The following CHST11 variants were observed in gnomAD, a reference collection of about 807,000 sequenced individuals.
CHST11 encodes the protein C4S-1.
In CHST11, 9 loss-of-function variants were observed where a neutral mutation model predicts 30.4. The observed-to-expected ratio is 0.30, with a 90% CI of 0.18 to 0.52. The LOEUF (loss-of-function observed/expected upper bound fraction) is 0.52. Among genes scored for constraint, CHST11 ranks in the 20% least tolerant of loss-of-function variants. The pLI is 0.97. For synonymous variants in CHST11, 152 were observed against 187.8 expected, an observed-to-expected ratio of 0.81 and a Z score of 1.56; for missense variants, 348 against 460.6, an observed-to-expected ratio of 0.76 and a Z score of 2.24.
intron 1 of CHST11, among the ~76,000 whole-genome samples, chr12:104,480,405 G>A (rs932751832): frequency 7.2e-5 from 11 of 152,000 alleles, no homozygotes; most frequent in African/African-American, 2.2e-4. Context: ...GTGAAACCCC[G>A]TCTCTACTAA....
At chr12:104,544,325 A>G (rs1565981374) in intron 1 of CHST11, among the ~76,000 whole-genome samples, 1 of 152,186 alleles carries the variant, frequency 6.6e-6, no homozygotes, top group Non-Finnish European at 1.5e-5. Context: ...GAGAAAATGT[A>G]AACTATGGAG....
At position 104,729,282 on chromosome 12, in the gene CHST11, C is replaced by T. The variant is rs1358984750; in HGVS notation, c.205-27667C>T. Reference sequence around the variant, plus strand: ...CAAGCCTCTCTGTGACCTACAGCTTCCTCCCCTGTGAAATCGTGCTTCCTG... The same window carrying T: ...CAAGCCTCTCTGTGACCTACAGCTTTCTCCCCTGTGAAATCGTGCTTCCTG... On this transcript the variant is annotated intron_variant, in intron 2 of 2. Transcript: ENST00000303694. The surrounding 1 kb of genome is among the most constrained non-coding windows in gnomAD (Gnocchi z 4.0). Among the ~76,000 whole-genome samples the T allele has an allele frequency of 6.6e-6, 1 of 152,174 alleles. No individual in the cohort carries two copies. Among genetic ancestry groups the T allele is most frequent in the Non-Finnish European group, 1.5e-5 (1 of 68,040 alleles).
intron 1 of CHST11, among the ~76,000 whole-genome samples, chr12:104,586,261 G>A (rs183351597): frequency 1.3e-5 from 2 of 152,324 alleles, no homozygotes; most frequent in East Asian, 1.9e-4. Context: ...AGAAGCCTGG[G>A]TAGGCTCAGG....
At chr12:104,479,040 C>T (rs1038759047) in intron 1 of CHST11, among the ~76,000 whole-genome samples, 1 of 152,096 alleles carries the variant, frequency 6.6e-6, no homozygotes, top group African/African-American at 2.4e-5. Context: ...AAAAGAGTCA[C>T]CTGTCTTTAC....
At chr12:104,727,704 C>T (rs567460092) in intron 2 of CHST11, among the ~76,000 whole-genome samples, 1 of 152,324 alleles carries the variant, frequency 6.6e-6, no homozygotes, top group African/African-American at 2.4e-5. Context: ...GCTTCATTCT[C>T]CAATCCCTTT....
intron 2 of CHST11, among the ~76,000 whole-genome samples, chr12:104,681,536 G>A (rs61703146): frequency 3.9e-5 from 6 of 152,086 alleles, no homozygotes; most frequent in African/African-American, 1.2e-4. Flanking sequence ...CCACTAAATC[G>A]TGCATTTTAA....
Position 104,757,715 on chromosome 12 carries a change from C to T in CHST11, c.971C>T (p.Ser324Leu). The T allele has an allele frequency of 6.2e-7, 1 of 1,614,184 alleles. No individual in the cohort carries two copies. The highest frequency in any genetic ancestry group is 8.5e-7 in the Non-Finnish European group (1 of 1,180,042). ...MTTEFFQNIS[S>L]EHQTQLYEVY... ...ACAGAATTCTTCCAGAACATCAGCTCAGAGCACCAAACGCAGCTGTACGAA... is the reference window on the plus strand; with the variant it reads ...ACAGAATTCTTCCAGAACATCAGCTTAGAGCACCAAACGCAGCTGTACGAA... The change falls in exon 3 of 3, where the codon TCA becomes TTA. Residue 324 changes from serine (S) to leucine (L), a missense_variant. Physicochemically the swap from Ser to Leu is moderately radical, Grantham distance 145. Around this residue, in one of 3 missense-constraint regions of CHST11, gnomAD observed 210 missense variants for 287.2 expected, o/e 0.73. Coordinates refer to ENST00000303694, the MANE Select transcript of CHST11 (RefSeq NM_018413.6). This position sits in a 1 kb window ranked among gnomAD's most constrained non-coding sequence, Gnocchi z 6.5.
At chr12:104,575,715 G>C (rs181068485) in intron 1 of CHST11, among the ~76,000 whole-genome samples, 2 of 152,118 alleles carry the variant, frequency 1.3e-5, no homozygotes, top group Non-Finnish European at 2.9e-5. Flanking sequence ...AAAGGATGCC[G>C]AGCCACAGAG....
chr12:104,717,823 G>A (rs1350218138), intron 2 of CHST11, among the ~76,000 whole-genome samples: 2 of 151,850 alleles, frequency 1.3e-5, no homozygotes, highest in Middle Eastern at 3.2e-3. Flanking sequence ...GGTGGTGGGC[G>A]CCTGTAATCC....
intron 1 of CHST11, among the ~76,000 whole-genome samples, chr12:104,541,931 A>C (rs1354482420): frequency 6.6e-6 from 1 of 152,244 alleles, no homozygotes; most frequent in Non-Finnish European, 1.5e-5. Context: ...TCCGTCTCAG[A>C]AAGACTGTCA....
chr12:104,662,526 A>G (rs1264630256), intron 2 of CHST11, among the ~76,000 whole-genome samples: 2 of 152,322 alleles, frequency 1.3e-5, no homozygotes, highest in African/African-American at 2.4e-5. Context: ...TTCAAATGAT[A>G]ACGATTTTTA....
intron 1 of CHST11, among the ~76,000 whole-genome samples, chr12:104,577,300 AT>A (rs1179960490): frequency 2.8e-5 from 4 of 141,588 alleles, no homozygotes; most frequent in African/African-American, 7.9e-5. Context: ...ATAACATAAA[AT>A]TTACCATTTT....
At chr12:104,589,004 A>G (rs1026426987) in intron 1 of CHST11, 2 of 152,218 alleles carry the variant, frequency 1.3e-5, no homozygotes, top group Non-Finnish European at 2.9e-5. Context: ...ATTCTCATAC[A>G]TCCTACAGCA....
intron 2 of CHST11, among the ~76,000 whole-genome samples, chr12:104,754,543 G>C (rs2040459448): frequency 6.6e-6 from 1 of 152,188 alleles, no homozygotes; most frequent in Non-Finnish European, 1.5e-5. Context: ...AGGAACTGCA[G>C]GGCTTCCTAA....
intron 1 of CHST11, among the ~76,000 whole-genome samples, chr12:104,556,105 G>A (rs919936284): frequency 4.6e-5 from 7 of 152,216 alleles, no homozygotes; most frequent in Admixed American, 2.0e-4. Flanking sequence ...ACCCCCCTCC[G>A]CTGGAAAGAC....
At chr12:104,662,647 A>C (rs1399457727) in intron 2 of CHST11, among the ~76,000 whole-genome samples, 1 of 152,292 alleles carries the variant, frequency 6.6e-6, no homozygotes, top group Non-Finnish European at 1.5e-5. Context: ...TGTAATTCCC[A>C]GCTCACCAAG....
At chr12:104,464,246 T>G (rs974165482) in intron 1 of CHST11, among the ~76,000 whole-genome samples, 3 of 152,042 alleles carry the variant, frequency 2.0e-5, no homozygotes, top group African/African-American at 7.3e-5. Flanking sequence ...TTTTGCATTT[T>G]TAATAGATAC....
intron 1 of CHST11, among the ~76,000 whole-genome samples, chr12:104,464,668 T>C (rs1482977405): frequency 6.6e-6 from 1 of 152,068 alleles, no homozygotes; most frequent in Non-Finnish European, 1.5e-5. Context: ...ACACACCCAG[T>C]CCCATTTCCA....
intron 2 of CHST11, among the ~76,000 whole-genome samples, chr12:104,618,154 G>A (rs1464065188): frequency 6.6e-6 from 1 of 151,512 alleles, no homozygotes; most frequent in Non-Finnish European, 1.5e-5. Flanking sequence ...TGATCTGCCT[G>A]CCTCGGCCTC....
Sources: allele counts gnomAD v4.1 joint callset (sites outside exome capture counted in the v4.1 genomes callset), GRCh38; gene constraint gnomAD v4.1.1; regional missense constraint gnomAD v4.1.1; non-coding constraint Gnocchi (gnomAD v3.1); transcripts MANE v1.5; gene names NCBI Gene and HGNC (gene_info 2026-07-23, HGNC 2026-07-21).